RORB: variants seen among roughly 807,000 people sequenced by gnomAD.
The protein encoded by RORB is RAR related orphan receptor B.
In RORB, 6 loss-of-function variants were observed where a neutral mutation model predicts 59.1. That is an observed-to-expected ratio of 0.10 (90% CI 0.06 to 0.20). The LOEUF (loss-of-function observed/expected upper bound fraction) is 0.20. Among genes scored for constraint, RORB ranks in the 10% least tolerant of loss-of-function variants. RORB has a pLI of 1.00. For synonymous variants in RORB, 215 were observed against 204.5 expected (o/e 1.05, Z -0.44); for missense variants, 320 against 560.5 (o/e 0.57, Z 4.33).
intron 9 of RORB, among the ~76,000 whole-genome samples, chr9:74,681,320 AG>A (rs1824544212): frequency 6.6e-6 from 1 of 152,190 alleles, no homozygotes; most frequent in Non-Finnish European, 1.5e-5. Flanking sequence ...TCTCTACACC[AG>A]GCCCTTCTGG....
At chr9:74,583,505 C>T (rs933719405) in intron 1 of RORB, among the ~76,000 whole-genome samples, 6 of 151,818 alleles carry the variant, frequency 4.0e-5, no homozygotes, top group South Asian at 2.1e-4. Context: ...AATTTGTAAC[C>T]TAATTTGGTT....
At chr9:74,512,490 T>C (rs1032559216) in intron 1 of RORB, among the ~76,000 whole-genome samples, 1 of 152,186 alleles carries the variant, frequency 6.6e-6, no homozygotes, top group Non-Finnish European at 1.5e-5. Flanking sequence ...ACACCCCTAA[T>C]ACAGTGATTC....
At chr9:74,591,427 T>A (rs1822891424) in intron 1 of RORB, among the ~76,000 whole-genome samples, 1 of 152,162 alleles carries the variant, frequency 6.6e-6, no homozygotes, top group African/African-American at 2.4e-5. Flanking sequence ...TTAAAAACAT[T>A]TTAGGAGAAC....
intron 1 of RORB, among the ~76,000 whole-genome samples, chr9:74,536,844 C>CAG (rs1193771776): frequency 6.6e-6 from 1 of 151,826 alleles, no homozygotes; most frequent in Admixed American, 6.6e-5. Flanking sequence ...TTTTAACTTG[C>CAG]AGAGAGAGAG....
intron 4 of RORB, among the ~76,000 whole-genome samples, chr9:74,659,448 A>G (rs1210218577): frequency 6.6e-6 from 1 of 152,180 alleles, no homozygotes; most frequent in Admixed American, 6.5e-5. Context: ...ACCACCTCCT[A>G]GCTCTAGCCA....
intron 1 of RORB, among the ~76,000 whole-genome samples, chr9:74,624,072 C>G (rs534973058): frequency 1.2e-4 from 19 of 152,216 alleles, no homozygotes; most frequent in East Asian, 7.7e-4. Flanking sequence ...GATAAATCAG[C>G]CTCTATTGTG....
At chr9:74,681,801 A>G (rs1422490152) in intron 9 of RORB, among the ~76,000 whole-genome samples, 1 of 152,348 alleles carries the variant, frequency 6.6e-6, no homozygotes, top group Non-Finnish European at 1.5e-5. Flanking sequence ...AGCAGAAAAA[A>G]ATGCTTCAAG....
intron 1 of RORB, among the ~76,000 whole-genome samples, chr9:74,593,848 G>A (rs1338890683): frequency 6.6e-6 from 1 of 152,178 alleles, no homozygotes; most frequent in Non-Finnish European, 1.5e-5. Flanking sequence ...CCATTTTTGT[G>A]TAAACACCAA....
chr9:74,616,574 A>G (rs1277150138), intron 1 of RORB, among the ~76,000 whole-genome samples: 2 of 152,166 alleles, frequency 1.3e-5, no homozygotes, highest in East Asian at 3.8e-4. Context: ...ACATCAATGG[A>G]GTCTTTAAGT....
intron 1 of RORB, among the ~76,000 whole-genome samples, chr9:74,620,990 C>G (rs1823404394): frequency 6.6e-6 from 1 of 152,186 alleles, no homozygotes; most frequent in Admixed American, 6.5e-5. Context: ...TTTAGCACCA[C>G]TTTAGATTTA....
chr9:74,664,631 C>T (rs1241841383), intron 6 of RORB, among the ~76,000 whole-genome samples: 1 of 152,160 alleles, frequency 6.6e-6, no homozygotes, highest in Non-Finnish European at 1.5e-5. Context: ...GCAAATCCTC[C>T]CCATGTATAA....
chr9:74,587,611 T>C (rs990508442), intron 1 of RORB, among the ~76,000 whole-genome samples: 2 of 152,190 alleles, frequency 1.3e-5, no homozygotes, highest in Non-Finnish European at 2.9e-5. Flanking sequence ...GGACGGATGA[T>C]CCAGGATGGC....
intron 4 of RORB, among the ~76,000 whole-genome samples, chr9:74,658,004 C>CAAAAAAAAAA (rs60719147): frequency 1.2e-4 from 12 of 97,820 alleles, no homozygotes; most frequent in South Asian, 4.0e-4. Flanking sequence ...GACTCGGTCT[C>CAAAAAAAAAA]AAAAAAAAAA....
In RORB at chr9:74,689,741, C is replaced by T. The variant is rs1824709532; in HGVS notation, c.*4123C>T. 6.6e-6 allele frequency: 1 copy of T among 152,208 alleles called. No individual in the cohort carries two copies. The highest frequency in any genetic ancestry group is 2.4e-5 in the African/African-American group (1 of 41,430). The allele number at this position is 152,208 out of a possible 1,614,324, so 9.4% of individuals were successfully genotyped here. The stretch of plus-strand genomic sequence containing the variant: ...AGAAAACCATGAAGATCAACTCATG[C>T]TCACTCTCTACAATGCAATGTGTAC... On this transcript the variant is annotated 3_prime_UTR_variant, in exon 10 of 10. Coordinates refer to ENST00000376896, the MANE Select transcript of RORB (RefSeq NM_006914.4).
At chr9:74,647,086 C>A (rs1823912606) in intron 4 of RORB, among the ~76,000 whole-genome samples, 1 of 152,132 alleles carries the variant, frequency 6.6e-6, no homozygotes, top group South Asian at 2.1e-4. Context: ...AGAATGGCAA[C>A]AAGTAAGCCG....
At chr9:74,564,931 A>G (rs1198767578) in intron 1 of RORB, among the ~76,000 whole-genome samples, 1 of 152,190 alleles carries the variant, frequency 6.6e-6, no homozygotes, top group African/African-American at 2.4e-5. Flanking sequence ...GCAAACATTC[A>G]GAACATCTTT....
intron 1 of RORB, among the ~76,000 whole-genome samples, chr9:74,617,714 A>C (rs573979320): frequency 1.3e-5 from 2 of 152,282 alleles, no homozygotes; most frequent in South Asian, 4.1e-4. Context: ...GCTTAGGGTG[A>C]AATTATAAGA....
chr9:74,535,342 T>A (rs1826306431), intron 1 of RORB, among the ~76,000 whole-genome samples: 1 of 152,032 alleles, frequency 6.6e-6, no homozygotes, highest in Non-Finnish European at 1.5e-5. Flanking sequence ...CACCTTCTTC[T>A]AGGTTACTCA....
intron 1 of RORB, among the ~76,000 whole-genome samples, chr9:74,591,050 C>T (rs1822882412): frequency 6.6e-6 from 1 of 152,212 alleles, no homozygotes; most frequent in Non-Finnish European, 1.5e-5. Flanking sequence ...CCACATCAGC[C>T]TCCCAAAGTG....
Sources: allele counts gnomAD v4.1 joint callset (sites outside exome capture counted in the v4.1 genomes callset), GRCh38; gene constraint gnomAD v4.1.1; transcripts MANE v1.5; gene names NCBI Gene and HGNC (gene_info 2026-07-23, HGNC 2026-07-21).